Variants in CTNNA2 observed in about 807,000 individuals in gnomAD.
CTNNA2 encodes the protein catenin alpha-2.
CTNNA2 carries 42 observed loss-of-function variants against 101.0 expected under a neutral mutation model. The observed-to-expected ratio is 0.42, with a 90% confidence interval of 0.32 to 0.54. The LOEUF (loss-of-function observed/expected upper bound fraction) is 0.54, where lower values mean the gene tolerates loss of function less well. Ranked by LOEUF, CTNNA2 falls within the 20% of genes least tolerant of loss-of-function variation. The pLI, the probability that CTNNA2 is intolerant of heterozygous loss-of-function variation, is 0.14. For missense variants in CTNNA2, 871 were observed against 1,223.1 expected, an observed-to-expected ratio of 0.71 and a Z score of 4.29; for synonymous variants, 450 against 456.4, an observed-to-expected ratio of 0.99 and a Z score of 0.18.
intron 6 of CTNNA2, among the ~76,000 whole-genome samples, chr2:79,880,505 G>T (rs1242115996): frequency 1.3e-5 from 2 of 152,018 alleles, no homozygotes; most frequent in Non-Finnish European, 2.9e-5. Context: ...ACTTGTTATT[G>T]GTCTATTCCA....
intron 9 of CTNNA2, among the ~76,000 whole-genome samples, chr2:80,537,845 G>A (rs893310918): frequency 1.3e-5 from 2 of 151,920 alleles, no homozygotes; most frequent in Admixed American, 1.3e-4. Flanking sequence ...CACTCAACTC[G>A]GCCTCCCAAA....
chr2:80,547,275 G>A lies in CTNNA2; in HGVS notation c.1540+1212G>A, dbSNP rs1282389405. ...AGATGGGAACATTGATGTAACATGC[G>A]GCCTGTGACTAGAATTTACCTTACT... On this transcript the variant is annotated intron_variant, in intron 11 of 18. Coordinates refer to ENST00000402739, the MANE Select transcript of CTNNA2 (RefSeq NM_001282597.3). Among the ~76,000 whole-genome samples, 6 of 151,950 alleles carry A rather than the reference G, an allele frequency of 3.9e-5. No homozygotes were observed. In the East Asian group the frequency reaches 7.7e-4, roughly 20 times the overall value.
intron 7 of CTNNA2, among the ~76,000 whole-genome samples, chr2:80,062,144 T>C (rs1697638693): frequency 1.3e-5 from 2 of 152,230 alleles, no homozygotes; most frequent in Admixed American, 1.3e-4. Context: ...TGAACAGTGA[T>C]GAATATTGTC....
chr2:79,546,383 T>G (rs1466196922), intron 1 of CTNNA2, among the ~76,000 whole-genome samples: 1 of 152,196 alleles, frequency 6.6e-6, no homozygotes, highest in African/African-American at 2.4e-5. Context: ...TCCAGCCAGT[T>G]GTATCCAAGC....
chr2:79,608,605 A>C (rs770983866), intron 1 of CTNNA2, among the ~76,000 whole-genome samples: 3 of 147,158 alleles, frequency 2.0e-5, no homozygotes, highest in Non-Finnish European at 2.9e-5. Flanking sequence ...GTAGTTTGCT[A>C]TTTGGAAACC....
intron 3 of CTNNA2, among the ~76,000 whole-genome samples, chr2:79,342,661 A>G (rs1400005767): frequency 6.6e-6 from 1 of 152,216 alleles, no homozygotes; most frequent in Non-Finnish European, 1.5e-5. Context: ...ATAATTAAAC[A>G]TGCTGCGGGT....
At chr2:79,896,307 C>T (rs1006308828) in intron 6 of CTNNA2, among the ~76,000 whole-genome samples, 4 of 151,270 alleles carry the variant, frequency 2.6e-5, no homozygotes, top group Admixed American at 6.6e-5. Context: ...GGAGAACTAA[C>T]GTTTGTCATA....
rs756243426 is a variant in CTNNA2 at position 80,642,429 on chromosome 2, G to A, written c.2575-5156G>A. 4.3e-4 allele frequency among the ~76,000 whole-genome samples: 65 copies of A among 152,214 alleles called. No individual in the cohort carries two copies. The Middle Eastern group carries it at 0.017, about 40-fold the overall frequency. ...TGAGCTCTTGTGTTTCAGTGCTTAT[G>A]TCTATTTGTGTTTCTATACCCAACA... is the stretch of plus-strand genomic sequence containing the variant. On this transcript the variant is annotated intron_variant, in intron 18 of 18. Coordinates refer to ENST00000402739, the MANE Select transcript of CTNNA2 (RefSeq NM_001282597.3).
chr2:80,264,573 C>G (rs1238335618), intron 7 of CTNNA2, among the ~76,000 whole-genome samples: 2 of 152,188 alleles, frequency 1.3e-5, no homozygotes, highest in East Asian at 3.9e-4. Flanking sequence ...CAACATCCTC[C>G]TCATTGCTGG....
chr2:80,202,965 A>C (rs987781251), intron 7 of CTNNA2, among the ~76,000 whole-genome samples: 1 of 152,222 alleles, frequency 6.6e-6, no homozygotes, highest in African/African-American at 2.4e-5. Context: ...AAGGAGGAGC[A>C]AGGCAGATCT....
chr2:80,262,007 A>G (rs1175137818), intron 7 of CTNNA2, among the ~76,000 whole-genome samples: 2 of 152,214 alleles, frequency 1.3e-5, no homozygotes, highest in East Asian at 1.9e-4. Context: ...TGTTAGTGCA[A>G]TAAGAAGTTA....
intron 4 of CTNNA2, among the ~76,000 whole-genome samples, chr2:79,383,543 G>A (rs1678062725): frequency 6.6e-6 from 1 of 152,138 alleles, no homozygotes; most frequent in African/African-American, 2.4e-5. Context: ...GTTTAAGGAA[G>A]TATATGGGAA....
chr2:80,214,938 T>C (rs1416416222), intron 7 of CTNNA2, among the ~76,000 whole-genome samples: 1 of 152,244 alleles, frequency 6.6e-6, no homozygotes, highest in East Asian at 1.9e-4. Flanking sequence ...CCCATATTTC[T>C]TGGAGCCTTT....
At chr2:80,539,030 G>GT (rs1378530640) in intron 9 of CTNNA2, among the ~76,000 whole-genome samples, 1 of 152,076 alleles carries the variant, frequency 6.6e-6, no homozygotes, top group Admixed American at 6.6e-5. Context: ...GCATATGTTT[G>GT]TTTTTTGAGA....
chr2:80,193,180 A>G (rs962229665), intron 7 of CTNNA2, among the ~76,000 whole-genome samples: 2 of 152,218 alleles, frequency 1.3e-5, no homozygotes, highest in African/African-American at 4.8e-5. Flanking sequence ...TTCATTGGTA[A>G]CTATCAACTG....
At chr2:79,802,506 AC>A (rs1386876590) in intron 3 of CTNNA2, among the ~76,000 whole-genome samples, 1 of 152,076 alleles carries the variant, frequency 6.6e-6, no homozygotes, top group Non-Finnish European at 1.5e-5. Context: ...AGGCTAAGTG[AC>A]CCCAAGGTTA....
At chr2:80,319,562 T>C (rs1175960746) in intron 7 of CTNNA2, among the ~76,000 whole-genome samples, 1 of 152,262 alleles carries the variant, frequency 6.6e-6, no homozygotes, top group African/African-American at 2.4e-5. Flanking sequence ...TTTACTTTGA[T>C]GGTTTTTCTC....
At chr2:80,322,889 G>A (rs1475093798) in intron 7 of CTNNA2, among the ~76,000 whole-genome samples, 1 of 152,210 alleles carries the variant, frequency 6.6e-6, no homozygotes, top group Non-Finnish European at 1.5e-5. Context: ...AAAAGAGAAC[G>A]CCGCCTTCCC....
chr2:79,842,667 T>C (rs978496816), intron 3 of CTNNA2, among the ~76,000 whole-genome samples: 2 of 152,030 alleles, frequency 1.3e-5, no homozygotes, highest in Admixed American at 1.3e-4. Context: ...TTAAACAAAT[T>C]AATGAACAAT....
Sources: gnomAD v4.1 joint callset for allele counts (sites outside exome capture counted in the v4.1 genomes callset) on GRCh38, gnomAD v4.1.1 for gene constraint, MANE v1.5 for transcripts, NCBI Gene and HGNC (gene_info 2026-07-23, HGNC 2026-07-21) for gene names.